ASB2: variants seen among roughly 807,000 people sequenced by gnomAD.
ASB2 encodes the protein ankyrin repeat and SOCS box containing 2, also known as ankyrin repeat and SOCS box protein 2.
ASB2 carries 58 observed loss-of-function variants against 62.4 expected under a neutral mutation model. The ratio of observed to expected loss-of-function variants is 0.93; its 90% CI spans 0.75 to 1.16. The LOEUF is 1.16. Among genes scored for constraint, ASB2 ranks in the 50% most tolerant of loss-of-function variants. ASB2 has a pLI of 0.00. For missense variants in ASB2, 928 were observed against 887.9 expected (o/e 1.05, Z -0.57); for synonymous variants, 386 against 385.3 (o/e 1.00, Z -0.02).
At chr14:93,956,906 G>T in intron 2 of ASB2, 36 bp from the exon 3 acceptor site, 1 of 1,613,882 alleles carries the variant, frequency 6.2e-7, no homozygotes, top group Middle Eastern at 1.6e-4. Flanking sequence ...AGAGGGAAAA[G>T]TACTCTGCAT....
chr14:93,959,957 C>A (rs190420028), intron 2 of ASB2, among the ~76,000 whole-genome samples: 97 of 150,726 alleles, frequency 6.4e-4, no homozygotes, highest in African/African-American at 2.2e-3. Context: ...CAGTCCACCC[C>A]ACACCCGCCA....
At chr14:93,962,761 G>A (rs537229339) in intron 2 of ASB2, among the ~76,000 whole-genome samples, 6 of 152,302 alleles carry the variant, frequency 3.9e-5, no homozygotes, top group East Asian at 1.9e-4. Flanking sequence ...CTGAGGGGAC[G>A]TGCTGGCTTC....
rs532941628 is a variant in ASB2 at position 93,975,980 on chromosome 14, C to T, written c.-74+454G>A. ...CACATGGCACCTTGGCTGCTATGGT[C>T]TCCCACAATACCGTGCATGCCTAGG... On this transcript the variant is annotated intron_variant, in intron 1 of 9. Coordinates refer to ENST00000555019, the MANE Select transcript of ASB2 (RefSeq NM_001202429.2). Among the ~76,000 whole-genome samples the T allele has an allele frequency of 3.3e-5, 5 of 152,334 alleles. No homozygotes were observed. In the South Asian group the frequency reaches 1.0e-3, roughly 32 times the overall value.
chr14:93,954,263 C>T, intron 4 of ASB2, 54 bp downstream of exon 4: 1 of 1,437,652 alleles, frequency 7.0e-7, no homozygotes, highest in Non-Finnish European at 9.7e-7. Flanking sequence ...GGAGCGGCAG[C>T]CCTTCCCCTA....
chr14:93,967,557 AG>A (rs1419507065), intron 1 of ASB2, among the ~76,000 whole-genome samples: 1 of 152,230 alleles, frequency 6.6e-6, no homozygotes, highest in African/African-American at 2.4e-5. Flanking sequence ...TGCCCTGCTA[AG>A]GCCAAAGTGC....
intron 2 of ASB2, among the ~76,000 whole-genome samples, chr14:93,963,405 A>G (rs4905121): frequency 0.67 from 99,203 of 148,096 alleles, 35,441 homozygotes; most frequent in East Asian, 0.97. Context: ...GACGGGGGTG[A>G]GGAGCAAAAG....
chr14:93,954,467 T>C lies in ASB2; in HGVS notation c.328A>G (p.Ile110Val), dbSNP rs763368867. The C allele has an allele frequency of 3.7e-6, 6 of 1,614,214 alleles. No individual in the cohort carries two copies. The highest frequency in any genetic ancestry group is 5.1e-6 in the Non-Finnish European group (6 of 1,180,026). ...TCATCGCCATCCTTGATGGCCTTTA[T>C]CAAGGGGTCCGCAGGCCTGTGAGAG... Reference protein sequence around the residue: ...TSQLAPADPLIKAIKDGDEEA... With the variant: ...TSQLAPADPLVKAIKDGDEEA... Residue 110 changes from isoleucine (I) to valine (V), a missense_variant, in exon 4 of 10, where the codon ATA becomes GTA. Ile to Val is a conservative substitution (Grantham distance 29). Transcript: ENST00000555019.
intron 6 of ASB2, among the ~76,000 whole-genome samples, chr14:93,950,316 T>C (rs958654749): frequency 6.6e-6 from 1 of 152,204 alleles, no homozygotes; most frequent in African/African-American, 2.4e-5. Flanking sequence ...CAGGATATAA[T>C]GTTCTGAAAC....
chr14:93,964,643 G>A (rs1037295371), intron 1 of ASB2, 31 bp from the exon 2 acceptor site: 7 of 1,038,336 alleles, frequency 6.7e-6, no homozygotes, highest in East Asian at 2.6e-5. Flanking sequence ...TCCTGGTCAC[G>A]AACAGTTTTG....
In ASB2 at chr14:93,954,483, C is replaced by T; in HGVS notation, c.312G>A (p.Ala104=). 6.2e-7 allele frequency: 1 copy of T among 1,614,100 alleles called. No individual in the cohort carries two copies. The change falls in exon 4 of 10, where the codon GCG becomes GCA. Residue 104 remains alanine (A), a splice_region_variant and synonymous_variant. Coordinates refer to ENST00000555019, the MANE Select transcript of ASB2 (RefSeq NM_001202429.2). ...SSSLFKTSQL[A]PADPLIKAIK... ...TGGCCTTTATCAAGGGGTCCGCAGG[C>T]CTGTGAGAGGAAGGAGTGGGTCAGT...
Position 93,953,446 on chromosome 14 carries a change from C to T in ASB2, c.540G>A (p.Thr180=), listed in dbSNP as rs535388588. 101 of 1,608,892 alleles carry T rather than the reference C, an allele frequency of 6.3e-5. 1 individual carries two copies. The highest frequency in any genetic ancestry group is 7.1e-5 in the Non-Finnish European group (83 of 1,175,844). The change falls in exon 5 of 10, where the codon ACG becomes ACA. Residue 180 remains threonine, a synonymous_variant. Coordinates refer to ENST00000555019, the MANE Select transcript of ASB2 (RefSeq NM_001202429.2). ...LQEETAVYLA[T]CRGHLDCLLS... is the part of the protein sequence containing the mutation. ...GGAGACAGTCCAGGTGGCCCCTGCA[C>T]GTTGCCAAGTAAACGGCTGTTTCCT...
intron 8 of ASB2, 66 bp downstream of exon 8, chr14:93,939,042 T>TGC: frequency 5.2e-6 from 7 of 1,336,106 alleles, no homozygotes; most frequent in South Asian, 1.6e-5. Context: ...CCGCCTCCCA[T>TGC]GCGCGCGCGC....
intron 3 of ASB2, among the ~76,000 whole-genome samples, chr14:93,955,785 G>A (rs546665070): frequency 6.6e-6 from 1 of 152,290 alleles, no homozygotes; most frequent in African/African-American, 2.4e-5. Flanking sequence ...GGAGGGTTCT[G>A]GGGGTGTCAG....
rs148600455 is a variant in ASB2, at chr14:93,954,366, G to A, written c.429C>T (p.His143=). ...CCACCTGGCCATAGTATGCGGCCTC[G>A]TGCAGCGGCAGCCAGCCCTCCTTGT... The part of the protein sequence containing the change: ...EPNKEGWLPL[H]EAAYYGQVGC... Residue 143 remains histidine, a synonymous_variant, in exon 4 of 10, where the codon CAC becomes CAT. Transcript: ENST00000555019. 2.2e-5 allele frequency: 36 copies of A among 1,613,718 alleles called. No homozygotes were observed. The highest frequency in any genetic ancestry group is 8.3e-5 in the Admixed American group (5 of 60,004).
intron 1 of ASB2, among the ~76,000 whole-genome samples, chr14:93,965,610 C>T (rs1186539195): frequency 6.6e-6 from 1 of 152,230 alleles, no homozygotes; most frequent in Non-Finnish European, 1.5e-5. Flanking sequence ...CTGACTCACA[C>T]TGTGTGGGTC....
At chr14:93,938,866 TTCCCTCCAAAGC>T (rs997595619) in intron 8 of ASB2, among the ~76,000 whole-genome samples, 15 of 152,152 alleles carry the variant, frequency 9.9e-5, no homozygotes, top group South Asian at 2.1e-4. Context: ...TAACCCCTAG[TTCCCTCCAAAGC>T]TCCCTCCAAA....
chr14:93,958,926 A>G (rs1318332548), intron 2 of ASB2, among the ~76,000 whole-genome samples: 1 of 152,242 alleles, frequency 6.6e-6, no homozygotes, highest in East Asian at 1.9e-4. Flanking sequence ...CATCTAAACG[A>G]GGACCTGTCT....
At chr14:93,962,125 T>TTTTC in intron 2 of ASB2, among the ~76,000 whole-genome samples, 1 of 121,464 alleles carries the variant, frequency 8.2e-6, no homozygotes, top group African/African-American at 3.3e-5. Flanking sequence ...TTTTTTTTTT[T>TTTTC]TTTTTTTGAG....
chr14:93,957,482 G>C (rs1236941836), intron 2 of ASB2: 1 of 788,208 alleles, frequency 1.3e-6, no homozygotes, highest in Non-Finnish European at 1.5e-6. Context: ...CAGTCAGACA[G>C]ACACAGGTTC....
Sources: gnomAD v4.1 joint callset for allele counts (sites outside exome capture counted in the v4.1 genomes callset) on GRCh38, gnomAD v4.1.1 for gene constraint, MANE v1.5 for transcripts, NCBI Gene and HGNC (gene_info 2026-07-23, HGNC 2026-07-21) for gene names.